RBFOX1: variants seen among roughly 807,000 people sequenced by gnomAD.
The protein encoded by RBFOX1 is RNA binding protein fox-1 homolog 1.
A neutral mutation model predicts 57.7 loss-of-function variants in RBFOX1; 8 were observed. That is an observed-to-expected ratio of 0.14 (90% CI 0.08 to 0.25). The LOEUF is 0.25. Among genes scored for constraint, RBFOX1 ranks in the 10% least tolerant of loss-of-function variants. RBFOX1 has a pLI of 1.00. For missense variants in RBFOX1, 611 were observed against 548.5 expected, an observed-to-expected ratio of 1.11 and a Z score of -1.14; for synonymous variants, 326 against 222.4, an observed-to-expected ratio of 1.47 and a Z score of -4.15.
intron 4 of RBFOX1, among the ~76,000 whole-genome samples, chr16:7,208,991 C>G (rs1349284664): frequency 6.6e-6 from 1 of 152,042 alleles, no homozygotes; most frequent in Non-Finnish European, 1.5e-5. Flanking sequence ...CTATGCATGT[C>G]TGTGTCCAAA....
chr16:6,252,386 A>G (rs924665861), intron 1 of RBFOX1, among the ~76,000 whole-genome samples: 1 of 152,206 alleles, frequency 6.6e-6, no homozygotes, highest in Admixed American at 6.5e-5. Context: ...TCATGTGCAG[A>G]AAATTCAATT....
intron 3 of RBFOX1, among the ~76,000 whole-genome samples, chr16:6,872,802 C>A (rs768605766): frequency 1.3e-5 from 2 of 151,984 alleles, no homozygotes; most frequent in Non-Finnish European, 2.9e-5. Flanking sequence ...TTGATGCCTT[C>A]GAACAAAATG....
At chr16:5,550,852 G>T (rs550821199) in intron 2 of RBFOX1, among the ~76,000 whole-genome samples, 1 of 152,226 alleles carries the variant, frequency 6.6e-6, no homozygotes, top group South Asian at 2.1e-4. Context: ...CTTTATACCA[G>T]GTGCACAGGG....
chr16:6,612,533 A>G (rs12923736), intron 2 of RBFOX1, among the ~76,000 whole-genome samples: 39,500 of 152,082 alleles, frequency 0.26, 5,333 homozygotes, highest in Middle Eastern at 0.3. Context: ...ATGAGGCTAG[A>G]GCCATTCATT....
chr16:7,261,648 C>G (rs909616396), intron 4 of RBFOX1, among the ~76,000 whole-genome samples: 9 of 152,208 alleles, frequency 5.9e-5, no homozygotes, highest in African/African-American at 2.2e-4. Flanking sequence ...GCTCTCTCCA[C>G]TCACCTCTTT....
At chr16:7,085,657 A>T (rs1459155482) in intron 4 of RBFOX1, among the ~76,000 whole-genome samples, 2 of 152,188 alleles carry the variant, frequency 1.3e-5, no homozygotes, top group Admixed American at 1.3e-4. Flanking sequence ...CAGAAAGGGC[A>T]CATTTTGTCC....
chr16:6,923,571 C>T (rs1024319132), intron 3 of RBFOX1, among the ~76,000 whole-genome samples: 1 of 152,048 alleles, frequency 6.6e-6, no homozygotes, highest in Non-Finnish European at 1.5e-5. Flanking sequence ...TTCTGTTAAT[C>T]ATGGCTGACC....
intron 11 of RBFOX1, among the ~76,000 whole-genome samples, chr16:7,649,892 C>A (rs545897611): frequency 1.5e-3 from 231 of 151,654 alleles, no homozygotes; most frequent in South Asian, 2.7e-3. Flanking sequence ...AAAAAAAATT[C>A]CAAAGTGACT....
intron 2 of RBFOX1, among the ~76,000 whole-genome samples, chr16:5,586,849 G>C (rs1428901495): frequency 6.6e-6 from 1 of 152,170 alleles, no homozygotes; most frequent in African/African-American, 2.4e-5. Flanking sequence ...AGGTAGCATT[G>C]ATGAGGTTTG....
At chr16:5,274,146 C>G (rs1218446535) in intron 1 of RBFOX1, among the ~76,000 whole-genome samples, 1 of 152,212 alleles carries the variant, frequency 6.6e-6, no homozygotes, top group Non-Finnish European at 1.5e-5. Flanking sequence ...ATATCCATCG[C>G]TGCATCTCTC....
intron 4 of RBFOX1, among the ~76,000 whole-genome samples, chr16:7,410,780 C>G (rs774017171): frequency 6.6e-6 from 1 of 152,072 alleles, no homozygotes; most frequent in Non-Finnish European, 1.5e-5. Context: ...GCTCCTAATT[C>G]CCACAGAGGG....
chr16:5,684,782 A>G (rs1377254309), intron 3 of RBFOX1, among the ~76,000 whole-genome samples: 1 of 152,088 alleles, frequency 6.6e-6, no homozygotes, highest in Non-Finnish European at 1.5e-5. Flanking sequence ...GTATATCTGG[A>G]GCCCTGTCCT....
At chr16:6,754,532 CCT>C (rs2075472222) in intron 3 of RBFOX1, among the ~76,000 whole-genome samples, 1 of 152,112 alleles carries the variant, frequency 6.6e-6, no homozygotes, top group South Asian at 2.1e-4. Context: ...ACTGCTCCCT[CCT>C]CTGCACTAAT....
At chr16:6,166,677 C>T (rs1020541150) in intron 1 of RBFOX1, among the ~76,000 whole-genome samples, 2 of 152,160 alleles carry the variant, frequency 1.3e-5, no homozygotes, top group Non-Finnish European at 2.9e-5. Context: ...ATCTCTCTGT[C>T]TGTATCATAA....
At chr16:7,244,869 C>T (rs893756121) in intron 4 of RBFOX1, among the ~76,000 whole-genome samples, 4 of 152,152 alleles carry the variant, frequency 2.6e-5, no homozygotes, top group African/African-American at 7.2e-5. Flanking sequence ...AAGAGATATT[C>T]CTCTACTGTA....
intron 1 of RBFOX1, among the ~76,000 whole-genome samples, chr16:6,086,447 C>T (rs576850293): frequency 2.6e-5 from 4 of 152,314 alleles, no homozygotes; most frequent in Non-Finnish European, 5.9e-5. Flanking sequence ...AAAGTCCTTT[C>T]ACCAGCACTG....
chr16:7,192,560 A>T (rs2085679156), intron 4 of RBFOX1, among the ~76,000 whole-genome samples: 1 of 152,228 alleles, frequency 6.6e-6, no homozygotes, highest in Non-Finnish European at 1.5e-5. Flanking sequence ...AATAACAGCA[A>T]AATACTATGT....
intron 1 of RBFOX1, among the ~76,000 whole-genome samples, chr16:6,121,180 A>T (rs1166431397): frequency 2.0e-5 from 3 of 152,100 alleles, no homozygotes; most frequent in African/African-American, 7.2e-5. Context: ...AAATACATGC[A>T]CTGCAGGTTT....
At chr16:6,558,637 T>C (rs898510619) in intron 2 of RBFOX1, among the ~76,000 whole-genome samples, 1 of 151,854 alleles carries the variant, frequency 6.6e-6, no homozygotes, top group Admixed American at 6.6e-5. Context: ...TCTAGAAAAA[T>C]TGTCCCTTAT....
Sources: gnomAD v4.1 joint callset for allele counts (sites outside exome capture counted in the v4.1 genomes callset) on GRCh38, gnomAD v4.1.1 for gene constraint, MANE v1.5 for transcripts, NCBI Gene and HGNC (gene_info 2026-07-23, HGNC 2026-07-21) for gene names.